Variants in EXOC6B observed in about 807,000 individuals in gnomAD.
EXOC6B encodes the protein SEC15 homolog B.
EXOC6B carries 54 observed loss-of-function variants against 113.5 expected under a neutral mutation model. That is an observed-to-expected ratio of 0.48 (90% confidence interval 0.38 to 0.60). EXOC6B has a LOEUF of 0.60. Ranked by LOEUF, EXOC6B falls within the 20% of genes least tolerant of loss-of-function variation. The pLI is 0.00. For missense variants in EXOC6B, 797 were observed against 977.5 expected (o/e 0.82, Z 2.46); for synonymous variants, 357 against 339.0 (o/e 1.05, Z -0.58).
intron 6 of EXOC6B, among the ~76,000 whole-genome samples, chr2:72,643,735 C>A: frequency 6.9e-6 from 1 of 145,318 alleles, no homozygotes. Context: ...GCACAATGTG[C>A]ACATGTACCC....
chr2:72,242,479 C>A (rs570369823), intron 20 of EXOC6B, among the ~76,000 whole-genome samples: 4 of 151,804 alleles, frequency 2.6e-5, no homozygotes, highest in Non-Finnish European at 5.9e-5. Flanking sequence ...TCTAGGGAAA[C>A]CATATGATAT....
At chr2:72,604,512 C>T (rs898621000) in intron 6 of EXOC6B, among the ~76,000 whole-genome samples, 8 of 152,114 alleles carry the variant, frequency 5.3e-5, no homozygotes, top group Non-Finnish European at 8.8e-5. Flanking sequence ...AACATAGATA[C>T]TTTCATTATT....
chr2:72,492,288 C>G (rs78625349), intron 16 of EXOC6B, 30 bp downstream of exon 16: 1 of 1,399,108 alleles, frequency 7.1e-7, no homozygotes, highest in South Asian at 1.2e-5. Context: ...CACATACTGG[C>G]TCGGCTGCCT....
intron 19 of EXOC6B, among the ~76,000 whole-genome samples, chr2:72,353,390 G>GTATTGT (rs1443146929): frequency 9.6e-6 from 1 of 104,308 alleles, no homozygotes; most frequent in African/African-American, 8.9e-5. Flanking sequence ...TCGTATTTTT[G>GTATTGT]AGATGGAGCC....
intron 1 of EXOC6B, among the ~76,000 whole-genome samples, chr2:72,791,056 T>C (rs1684648180): frequency 6.6e-6 from 1 of 152,204 alleles, no homozygotes; most frequent in Non-Finnish European, 1.5e-5. Flanking sequence ...TAGTTAACAG[T>C]AATTTAGTGT....
chr2:72,188,614 G>A (rs1057055833), intron 20 of EXOC6B, among the ~76,000 whole-genome samples: 20 of 152,120 alleles, frequency 1.3e-4, no homozygotes, highest in Admixed American at 5.2e-4. Context: ...CTATTTATCC[G>A]TATAGTACTT....
chr2:72,657,560 T>TC (rs1249382126), intron 6 of EXOC6B, among the ~76,000 whole-genome samples: 19 of 132,264 alleles, frequency 1.4e-4, no homozygotes, highest in African/African-American at 4.8e-4. Flanking sequence ...CTTTCCTCTT[T>TC]CCTTTTCTTT....
chr2:72,255,101 T>C (rs1052447969), intron 20 of EXOC6B, among the ~76,000 whole-genome samples: 1 of 152,162 alleles, frequency 6.6e-6, no homozygotes, highest in East Asian at 1.9e-4. Flanking sequence ...AGACTTGGCA[T>C]GTGTCTCATT....
rs758906963 is a variant in EXOC6B at position 72,307,161 on chromosome 2, G to GTTTTTGTTTTTTTTTTGTTT, written c.2196+27785_2196+27786insAAACAAAAAAAAAACAAAAA. On this transcript the variant is annotated intron_variant, in intron 20 of 21. Coordinates refer to ENST00000272427, the MANE Select transcript of EXOC6B (RefSeq NM_015189.3). Reference sequence around the variant, plus strand: ...TCCATGACTGCAATGGTATAGTCCAGTTTTTTTTTTTTTGAGACGGAGTCT... The same window carrying GTTTTTGTTTTTTTTTTGTTT: ...TCCATGACTGCAATGGTATAGTCCAGTTTTTGTTTTTTTTTTGTTTTTTTTTTTTTTTTGAGACGGAGTCT... Among the ~76,000 whole-genome samples the GTTTTTGTTTTTTTTTTGTTT allele has an allele frequency of 1.5e-4, 19 of 128,496 alleles. 1 individual carries two copies. The highest frequency in any genetic ancestry group is 3.4e-4 in the African/African-American group (9 of 26,204). 84.3% of individuals were successfully genotyped at this position (128,496 alleles called of 152,430 possible). A position where few individuals can be genotyped will look rare whatever the true frequency, so the allele number is the denominator to read the frequency against.
chr2:72,773,414 G>A (rs936297009), intron 1 of EXOC6B, among the ~76,000 whole-genome samples: 6 of 147,234 alleles, frequency 4.1e-5, no homozygotes, highest in African/African-American at 1.5e-4. Flanking sequence ...ACAGGTATGA[G>A]CCACCATACC....
intron 20 of EXOC6B, among the ~76,000 whole-genome samples, chr2:72,213,293 G>T (rs908611821): frequency 6.6e-6 from 1 of 152,188 alleles, no homozygotes; most frequent in Non-Finnish European, 1.5e-5. Flanking sequence ...GCCTAGCTGA[G>T]CCCTGGCCAA....
At chr2:72,643,766 A>T (rs982863463) in intron 6 of EXOC6B, among the ~76,000 whole-genome samples, 129 of 151,592 alleles carry the variant, frequency 8.5e-4, no homozygotes, top group Admixed American at 1.8e-3. Flanking sequence ...AGTATAATTT[A>T]AAAAAAATAA....
intron 1 of EXOC6B, among the ~76,000 whole-genome samples, chr2:72,816,448 A>G (rs1559026102): frequency 6.6e-6 from 1 of 152,236 alleles, no homozygotes; most frequent in Non-Finnish European, 1.5e-5. Context: ...TTTTGTAAAA[A>G]GGAGAAAATA....
At chr2:72,616,066 T>C (rs1037899523) in intron 6 of EXOC6B, among the ~76,000 whole-genome samples, 5 of 152,048 alleles carry the variant, frequency 3.3e-5, no homozygotes, top group African/African-American at 1.2e-4. Context: ...CTATACAAAA[T>C]GTTTAAGTAT....
chr2:72,592,046 T>C (rs1408415368), intron 6 of EXOC6B, among the ~76,000 whole-genome samples: 1 of 152,050 alleles, frequency 6.6e-6, no homozygotes, highest in African/African-American at 2.4e-5. Flanking sequence ...CAAAATTTTA[T>C]AATACAAATG....
chr2:72,573,301 A>C (rs900444190), intron 7 of EXOC6B, among the ~76,000 whole-genome samples: 10 of 152,244 alleles, frequency 6.6e-5, no homozygotes, highest in Admixed American at 5.9e-4. Flanking sequence ...AGTATCTGAC[A>C]GAATTCCATC....
intron 18 of EXOC6B, among the ~76,000 whole-genome samples, chr2:72,408,725 T>A (rs1261547385): frequency 6.6e-6 from 1 of 152,124 alleles, no homozygotes; most frequent in Non-Finnish European, 1.5e-5. Flanking sequence ...TTAAGATGGA[T>A]TAAAGACTTA....
rs180897604 is a variant in EXOC6B at position 72,179,699 on chromosome 2, G to A, written c.2310-238C>T. The stretch of plus-strand genomic sequence containing the variant: ...AACTGGTCAAGACCCAGTTTTGGAG[G>A]GGTCAATCTCCCTACCCCTTATACC... On this transcript the variant is annotated intron_variant, in intron 21 of 21. Transcript: ENST00000272427. Among the ~76,000 whole-genome samples the A allele has an allele frequency of 3.0e-3, 463 of 152,122 alleles. 1 individual carries two copies. Among genetic ancestry groups the A allele is most frequent in the African/African-American group, 0.011 (452 of 41,498 alleles).
intron 20 of EXOC6B, among the ~76,000 whole-genome samples, chr2:72,269,170 C>T (rs1123199): frequency 0.12 from 18,576 of 151,922 alleles, 1,411 homozygotes; most frequent in Admixed American, 0.16. Context: ...ACTAACTCTA[C>T]AGATTTCTAA....
Sources: gnomAD v4.1 joint callset for allele counts (sites outside exome capture counted in the v4.1 genomes callset) on GRCh38, gnomAD v4.1.1 for gene constraint, MANE v1.5 for transcripts, NCBI Gene and HGNC (gene_info 2026-07-23, HGNC 2026-07-21) for gene names.